Variants in PDZRN4 observed in about 807,000 individuals in gnomAD.
The protein encoded by PDZRN4 is PDZ domain-containing RING finger protein 4.
Under a neutral mutation model 99.0 loss-of-function variants are expected in PDZRN4, and 70 were observed. That is an observed-to-expected ratio of 0.71 (90% CI 0.58 to 0.86). The LOEUF (loss-of-function observed/expected upper bound fraction) is 0.86, where lower values mean the gene tolerates loss of function less well. Among genes scored for constraint, PDZRN4 ranks in the 40% least tolerant of loss-of-function variants. The probability of loss-of-function intolerance (pLI) is 0.00; values close to 1 mark genes in which losing one functional copy is unlikely to be tolerated. For missense variants in PDZRN4, 1,474 were observed against 1,331.2 expected (o/e 1.11, Z -1.67); for synonymous variants, 551 against 501.6 (o/e 1.10, Z -1.32).
intron 3 of PDZRN4, among the ~76,000 whole-genome samples, chr12:41,355,050 G>A (rs1446355021): frequency 6.6e-6 from 1 of 152,028 alleles, no homozygotes; most frequent in Non-Finnish European, 1.5e-5. Flanking sequence ...TTTTGCCACC[G>A]ACTAAGTGTT....
At chr12:41,485,438 G>A (rs556522417) in intron 3 of PDZRN4, among the ~76,000 whole-genome samples, 23 of 152,246 alleles carry the variant, frequency 1.5e-4, no homozygotes, top group Admixed American at 9.8e-4. Context: ...AGGACTCACC[G>A]GAGGTGTTGC....
intron 3 of PDZRN4, among the ~76,000 whole-genome samples, chr12:41,477,541 G>T (rs957434947): frequency 1.3e-5 from 2 of 152,170 alleles, no homozygotes; most frequent in South Asian, 2.1e-4. Flanking sequence ...GACAATTGTG[G>T]CATAGTTTGA....
chr12:41,244,983 C>T (rs1447569780), intron 3 of PDZRN4, among the ~76,000 whole-genome samples: 3 of 152,146 alleles, frequency 2.0e-5, no homozygotes, highest in African/African-American at 7.2e-5. Flanking sequence ...AGCCACCGCG[C>T]CCGGCCCACA....
intron 3 of PDZRN4, among the ~76,000 whole-genome samples, chr12:41,291,911 A>C (rs1705365191): frequency 1.3e-5 from 2 of 152,158 alleles, no homozygotes; most frequent in African/African-American, 4.8e-5. Flanking sequence ...TAGGAGTCTC[A>C]GCACAGGAAC....
chr12:41,363,277 G>A (rs902564015), intron 3 of PDZRN4, among the ~76,000 whole-genome samples: 1 of 152,032 alleles, frequency 6.6e-6, no homozygotes, highest in Non-Finnish European at 1.5e-5. Context: ...CAGAGGAGCT[G>A]GCTGAATCCT....
chr12:41,456,820 G>A (rs1952820329), intron 3 of PDZRN4, among the ~76,000 whole-genome samples: 1 of 152,194 alleles, frequency 6.6e-6, no homozygotes, highest in South Asian at 2.1e-4. Flanking sequence ...CTGCAATTGA[G>A]TATGACAATG....
In PDZRN4 at chr12:41,573,449, G is replaced by A. The variant is rs1298024134; in HGVS notation, c.2670G>A (p.Lys890=). Residue 890 remains lysine (K), a synonymous_variant, in exon 10 of 10, where the codon AAG becomes AAA. Transcript: ENST00000402685. ...QKCSEPKMEW[K]VKIRSDGTRY... ...GTTCAGAGCCCAAGATGGAATGGAA[G>A]GTGAAAATTAGGAGCGACGGGACAC... 6.2e-7 allele frequency: 1 copy of A among 1,613,964 alleles called. No individual in the cohort carries two copies. The highest frequency in any genetic ancestry group is 8.5e-7 in the Non-Finnish European group (1 of 1,180,006).
At chr12:41,252,245 G>A (rs201409671) in intron 3 of PDZRN4, among the ~76,000 whole-genome samples, 6 of 152,136 alleles carry the variant, frequency 3.9e-5, no homozygotes, top group African/African-American at 1.2e-4. Context: ...TTAATACAGA[G>A]AAATAAAAAC....
intron 3 of PDZRN4, among the ~76,000 whole-genome samples, chr12:41,466,635 G>T (rs1005372496): frequency 1.3e-5 from 2 of 152,030 alleles, no homozygotes; most frequent in Admixed American, 6.5e-5. Flanking sequence ...CATTAAAAAC[G>T]TGGAGGGGGG....
At chr12:41,374,531 AGAG>A (rs1372667603) in intron 3 of PDZRN4, among the ~76,000 whole-genome samples, 3 of 152,188 alleles carry the variant, frequency 2.0e-5, no homozygotes, top group Non-Finnish European at 4.4e-5. Flanking sequence ...CAAGGGTTTC[AGAG>A]AAGAGCTTAT....
chr12:41,463,922 A>T (rs1952897590), intron 3 of PDZRN4, among the ~76,000 whole-genome samples: 1 of 152,192 alleles, frequency 6.6e-6, no homozygotes. Context: ...AGAAGGCTCC[A>T]ATCTGGCCAA....
intron 3 of PDZRN4, among the ~76,000 whole-genome samples, chr12:41,348,145 G>C (rs1441220108): frequency 6.6e-6 from 1 of 151,962 alleles, no homozygotes; most frequent in African/African-American, 2.4e-5. Flanking sequence ...TAAAGTTTTG[G>C]GAGATTATCC....
chr12:41,380,099 T>G (rs1952113223), intron 3 of PDZRN4, among the ~76,000 whole-genome samples: 1 of 152,094 alleles, frequency 6.6e-6, no homozygotes, highest in Non-Finnish European at 1.5e-5. Flanking sequence ...ATATTTACCT[T>G]CTTTGTCTCT....
intron 6 of PDZRN4, among the ~76,000 whole-genome samples, chr12:41,553,764 G>T (rs1225466796): frequency 6.6e-6 from 1 of 151,980 alleles, no homozygotes; most frequent in Non-Finnish European, 1.5e-5. Context: ...ACTTATATGT[G>T]AAAAACATAT....
intron 3 of PDZRN4, among the ~76,000 whole-genome samples, chr12:41,355,080 C>T (rs1951916996): frequency 6.6e-6 from 1 of 151,990 alleles, no homozygotes. Flanking sequence ...GATATTCTTG[C>T]CCTCTGTTGT....
At chr12:41,197,920 G>GTTTTTTTTTTTTTT (rs533696414) in intron 3 of PDZRN4, among the ~76,000 whole-genome samples, 5 of 115,600 alleles carry the variant, frequency 4.3e-5, no homozygotes, top group Non-Finnish European at 5.2e-5. Context: ...TTTTTTCTGG[G>GTTTTTTTTTTTTTT]TTTTTTTTTT....
intron 3 of PDZRN4, among the ~76,000 whole-genome samples, chr12:41,471,322 T>C (rs1049475305): frequency 2.0e-5 from 3 of 152,198 alleles, no homozygotes; most frequent in African/African-American, 7.2e-5. Flanking sequence ...TATTGTCACA[T>C]ATAACAGGTG....
At chr12:41,440,803 T>G (rs1470150156) in intron 3 of PDZRN4, among the ~76,000 whole-genome samples, 8 of 152,166 alleles carry the variant, frequency 5.3e-5, no homozygotes, top group African/African-American at 1.9e-4. Context: ...CTACAGTGAT[T>G]TATTTTATTC....
intron 3 of PDZRN4, among the ~76,000 whole-genome samples, chr12:41,460,541 G>A (rs1952862188): frequency 6.6e-6 from 1 of 152,206 alleles, no homozygotes; most frequent in African/African-American, 2.4e-5. Flanking sequence ...CCTTCTTGAA[G>A]GCAGGAGTAT....
Sources: gnomAD v4.1 joint callset for allele counts (sites outside exome capture counted in the v4.1 genomes callset) on GRCh38, gnomAD v4.1.1 for gene constraint, MANE v1.5 for transcripts, NCBI Gene and HGNC (gene_info 2026-07-23, HGNC 2026-07-21) for gene names.